LTBP4: variants seen among roughly 807,000 people sequenced by gnomAD.
LTBP4 encodes latent transforming growth factor beta binding protein 4, also known as latent-transforming growth factor beta-binding protein 4.
LTBP4 carries 93 observed loss-of-function variants against 180.2 expected under a neutral mutation model. That is an observed-to-expected ratio of 0.52 (90% CI 0.44 to 0.61). LTBP4 has a LOEUF of 0.61. Ranked by LOEUF, LTBP4 falls within the 20% of genes least tolerant of loss-of-function variation. LTBP4 has a pLI of 0.00. For missense variants in LTBP4, 2,116 were observed against 2,256.5 expected (o/e 0.94, Z 1.26); for synonymous variants, 947 against 934.5 (o/e 1.01, Z -0.24).
In LTBP4 at chr19:40,605,477, G is replaced by A. The variant is rs1170021809; in HGVS notation, c.515G>A (p.Arg172His). The change falls in exon 3 of 30, where the codon CGT becomes CAT. Residue 172 changes from arginine (R) to histidine (H), a missense_variant. Transcript: ENST00000396819. The surrounding 1 kb of genome is among the most constrained non-coding windows in gnomAD (Gnocchi z 5.5). ...EASVVVHQVE[R>H]VSGPWEEADA... Reference sequence around the variant, plus strand: ...TCGGTGGTGGTGCACCAGGTGGAGCGTGTGTCTGGCCCTTGGGAGGAGGCG... The same window carrying A: ...TCGGTGGTGGTGCACCAGGTGGAGCATGTGTCTGGCCCTTGGGAGGAGGCG... The A allele has an allele frequency of 1.2e-6, 2 of 1,612,150 alleles. No homozygotes were observed. The highest frequency in any genetic ancestry group is 2.2e-5 in the East Asian group (1 of 44,898).
At chr19:40,623,569 G>T in intron 24 of LTBP4, 35 bp from the exon 25 acceptor site, 1 of 1,599,102 alleles carries the variant, frequency 6.3e-7, no homozygotes. Context: ...CACCCATCCA[G>T]CCCGCCCCCA....
At position 40,605,507 on chromosome 19, in the gene LTBP4, C is replaced by T; in HGVS notation, c.545C>T (p.Ala182Val). The change falls in exon 3 of 30, where the codon GCT becomes GTT. Residue 182 changes from alanine to valine, a missense_variant. Physicochemically the swap from Ala to Val is moderately conservative, Grantham distance 64. This residue lies in a region of LTBP4 where 469 missense variants were observed against 532.5 expected (regional missense o/e 0.88). Transcript: ENST00000396819. This position sits in a 1 kb window ranked among gnomAD's most constrained non-coding sequence, Gnocchi z 5.5. ...RVSGPWEEAD[A>V]EAVARAEAAA... ...TCTGGCCCTTGGGAGGAGGCGGACG[C>T]TGAGGCGGTGGCGCGGGCGGAAGCG... 1.2e-6 allele frequency: 2 copies of T among 1,609,866 alleles called. No individual in the cohort carries two copies. Among genetic ancestry groups the T allele is most frequent in the Non-Finnish European group, 8.5e-7 (1 of 1,178,786 alleles).
upstream of LTBP4, chr19:40,599,438 A>G (rs764050834): frequency 1.2e-6 from 2 of 1,613,848 alleles, no homozygotes; most frequent in South Asian, 1.1e-5. Context: ...CAGGGTCCGA[A>G]GCTGCCAGCC....
At chr19:40,604,890 A>AT in intron 1 of LTBP4, 145 bp from the exon 2 acceptor site, 1 of 689,258 alleles carries the variant, frequency 1.5e-6, no homozygotes, top group Non-Finnish European at 2.4e-6. Flanking sequence ...GGACTGGGCC[A>AT]ATGCTGATGC....
upstream of LTBP4, chr19:40,597,488 AGAT>A: frequency 2.2e-5 from 27 of 1,233,108 alleles, no homozygotes; most frequent in Non-Finnish European, 2.9e-5. Context: ...TTCGATGTGG[AGAT>A]GCAAAGAGGG....
chr19:40,601,688 T>C, intron 1 of LTBP4, 51 bp downstream of exon 1: 3 of 1,257,078 alleles, frequency 2.4e-6, no homozygotes, highest in Non-Finnish European at 3.1e-6. Flanking sequence ...GGGAGGAGGA[T>C]CCCTGGGGAT....
rs2081664101 is a variant in LTBP4 at position 40,629,612 on chromosome 19, G to T, written c.*62G>T. On this transcript the variant is annotated 3_prime_UTR_variant, in exon 30 of 30. Transcript: ENST00000396819. This position sits in a 1 kb window ranked among gnomAD's most constrained non-coding sequence, Gnocchi z 4.5. ...ACTCGGGGCCCCTGCCGCGCATCCT[G>T]CAGCCCGCTTATGCGTATGTGCACG... 7.6e-7 allele frequency: 1 copy of T among 1,318,596 alleles called. No individual in the cohort carries two copies. 81.7% of individuals were successfully genotyped at this position (1,318,596 alleles called of 1,614,324 possible).
chr19:40,623,882 T>C (rs1478726272), intron 25 of LTBP4, 54 bp from the exon 26 acceptor site: 1 of 1,604,016 alleles, frequency 6.2e-7, no homozygotes, highest in African/African-American at 1.3e-5. Flanking sequence ...GGAAGAGAAA[T>C]GGGAAAGGGT....
chr19:40,597,090 C>T (rs996239430), upstream of LTBP4: 1 of 763,314 alleles, frequency 1.3e-6, no homozygotes, highest in Non-Finnish European at 1.8e-6. Context: ...CTGTGATTGG[C>T]GGGAAGTTCG....
chr19:40,615,257 C>G (rs1429579839), intron 19 of LTBP4: 1 of 133,752 alleles, frequency 7.5e-6, no homozygotes, highest in Non-Finnish European at 1.5e-5. Context: ...AACAAAACAT[C>G]TGTGGGCTGC....
rs919905028 is a variant in LTBP4, at chr19:40,611,918, G to A, written c.2113G>A (p.Glu705Lys). 1.9e-6 allele frequency: 3 copies of A among 1,610,770 alleles called. No homozygotes were observed. The highest frequency in any genetic ancestry group is 2.5e-6 in the Non-Finnish European group (3 of 1,178,766). ...CACCTACGGCCGGTGTGAGAACACA[G>A]AAGGCAGCTTCCAGTGTGTCTGCCC... ...PCTYGRCENT[E>K]GSFQCVCPMG... Residue 705 changes from glutamate to lysine, a missense_variant, in exon 14 of 30, where the codon GAA becomes AAA. Around this residue, in one of 5 missense-constraint regions of LTBP4, gnomAD observed 877 missense variants for 873.6 expected, o/e 1.00. Coordinates refer to ENST00000396819, the MANE Select transcript of LTBP4 (RefSeq NM_001042545.2). This position sits in a 1 kb window ranked among gnomAD's most constrained non-coding sequence, Gnocchi z 4.4.
At chr19:40,604,670 C>G (rs2081446130) in intron 1 of LTBP4, among the ~76,000 whole-genome samples, 1 of 152,138 alleles carries the variant, frequency 6.6e-6, no homozygotes. Context: ...ATAGTGAGAC[C>G]CCGCCTCTAC....
Position 40,613,083 on chromosome 19 carries a change from C to T in LTBP4, c.2318C>T (p.Ser773Leu), listed in dbSNP as rs1447037163. 4.3e-6 allele frequency: 7 copies of T among 1,611,602 alleles called. No individual in the cohort carries two copies. Among genetic ancestry groups the T allele is most frequent in the Non-Finnish European group, 5.9e-6 (7 of 1,178,970 alleles). The change falls in exon 16 of 30, where the codon TCG becomes TTG. Residue 773 changes from serine to leucine, a missense_variant. Transcript: ENST00000396819. This position sits in a 1 kb window ranked among gnomAD's most constrained non-coding sequence, Gnocchi z 5.0. ...CCCACAGATGTGGACGAATGCAGTT[C>T]GGGTGCCCCTCCCTGTGGTCCCCAC... ...GRCTDVDECS[S>L]GAPPCGPHGH...
intron 22 of LTBP4, among the ~76,000 whole-genome samples, chr19:40,619,945 C>G (rs28649715): frequency 0.34 from 51,822 of 152,002 alleles, 9,067 homozygotes; most frequent in South Asian, 0.49. Flanking sequence ...CTGTAGGAGA[C>G]GACATCTGAA....
chr19:40,618,420 C>T (rs1420061873), intron 21 of LTBP4, among the ~76,000 whole-genome samples: 1 of 152,098 alleles, frequency 6.6e-6, no homozygotes, highest in African/African-American at 2.4e-5. Flanking sequence ...CCACTATGCC[C>T]AGCTAATTTT....
chr19:40,619,226 A>T, intron 21 of LTBP4, 121 bp from the exon 22 acceptor site: 2 of 973,948 alleles, frequency 2.1e-6, no homozygotes, highest in Non-Finnish European at 3.0e-6. Context: ...AGAAAAACAG[A>T]TGATGGGATC....
At chr19:40,594,725 A>C (rs544916455) in intron 1 of LTBP4, among the ~76,000 whole-genome samples, 2 of 152,226 alleles carry the variant, frequency 1.3e-5, no homozygotes, top group South Asian at 4.2e-4. Flanking sequence ...TGCCGTCGTC[A>C]CCTGCCCCAG....
chr19:40,608,378 G>A lies in LTBP4; in HGVS notation c.1306+9G>A. On this transcript the variant is annotated intron_variant, in intron 8 of 29. Coordinates refer to ENST00000396819, the MANE Select transcript of LTBP4 (RefSeq NM_001042545.2). ...CTCTCGGCCATCTGCAGGTGAGCTG[G>A]CTCTGGCAGAAGTGGGTGCCATCTT... is the stretch of plus-strand genomic sequence containing the variant. 1 of 1,610,994 alleles carries A rather than the reference G, an allele frequency of 6.2e-7. No individual in the cohort carries two copies. Among genetic ancestry groups the A allele is most frequent in the Non-Finnish European group, 8.5e-7 (1 of 1,178,236 alleles).
intron 1 of LTBP4, among the ~76,000 whole-genome samples, chr19:40,595,456 G>GA (rs869049211): frequency 0.016 from 3 of 192 alleles, no homozygotes; most frequent in African/African-American, 0.088. Context: ...TCTGCTCCCA[G>GA]GGGGTCCTGG....
Sources: gnomAD v4.1 joint callset for allele counts (sites outside exome capture counted in the v4.1 genomes callset) on GRCh38, gnomAD v4.1.1 for gene constraint, gnomAD v4.1.1 regional missense constraint, Gnocchi (gnomAD v3.1) non-coding constraint, MANE v1.5 for transcripts, NCBI Gene and HGNC (gene_info 2026-07-23, HGNC 2026-07-21) for gene names.